FHIP2B: variants seen among roughly 807,000 people sequenced by gnomAD.
FHIP2B encodes FHF complex subunit HOOK-interacting protein 2B.
Under a neutral mutation model 84.0 loss-of-function variants are expected in FHIP2B, and 72 were observed. That is an observed-to-expected ratio of 0.86 (90% CI 0.71 to 1.04). The LOEUF (loss-of-function observed/expected upper bound fraction) is 1.04. FHIP2B is among the 50% of genes least tolerant of loss of function. The pLI is 0.00. For missense variants in FHIP2B, 972 were observed against 968.9 expected (o/e 1.00, Z -0.04); for synonymous variants, 497 against 418.7 (o/e 1.19, Z -2.28).
chr8:22,101,151 T>C, intron 12 of FHIP2B, 179 bp downstream of exon 12: 2 of 755,066 alleles, frequency 2.6e-6, no homozygotes, highest in Non-Finnish European at 4.2e-6. Flanking sequence ...GCCTCCCGAG[T>C]ACCTGGGATT....
rs769124486 is a variant in FHIP2B at position 22,099,700 on chromosome 8, G to A, written c.1152-4G>A. On this transcript the variant is annotated splice_region_variant and splice_polypyrimidine_tract_variant and intron_variant, in intron 9 of 16. Transcript: ENST00000289921. ...GGCCTGGCTAAGGTGCCCTCTTCCC[G>A]TAGGTCCGAGCAGAGCATCTTGACC... 71 of 1,566,390 alleles carry A rather than the reference G, an allele frequency of 4.5e-5. 1 individual carries two copies. The highest frequency in any genetic ancestry group is 6.2e-5 in the Admixed American group (3 of 48,356).
Position 22,100,958 on chromosome 8 carries a change from C to A in FHIP2B, c.1602C>A (p.Thr534=), listed in dbSNP as rs1252815325. The A allele has an allele frequency of 6.2e-7, 1 of 1,613,778 alleles. No homozygotes were observed. Among genetic ancestry groups the A allele is most frequent in the East Asian group, 2.2e-5 (1 of 44,878 alleles). ...ATSYDGKTAV[T]EIVNSFLCLV... ...GTTACGATGGCAAAACAGCAGTGACCGAGATCGTCAACAGGTGGGGAGCAA... is the reference window on the plus strand; with the variant it reads ...GTTACGATGGCAAAACAGCAGTGACAGAGATCGTCAACAGGTGGGGAGCAA... The change falls in exon 12 of 17, where the codon ACC becomes ACA. Residue 534 remains threonine, a synonymous_variant. Coordinates refer to ENST00000289921, the MANE Select transcript of FHIP2B (RefSeq NM_022749.7).
At chr8:22,102,411 G>GGGGGGC in intron 15 of FHIP2B, 96 bp downstream of exon 15, 2 of 586,960 alleles carry the variant, frequency 3.4e-6, no homozygotes, top group Non-Finnish European at 6.2e-6. Context: ...GGAGGGGTGG[G>GGGGGGC]CACCCTTGCC....
rs536111152 is a variant in FHIP2B, at chr8:22,089,845, C to G, written c.45+547C>G. 1.9e-4 allele frequency: 240 copies of G among 1,283,326 alleles called. 2 individuals are homozygous for G. In the South Asian group the frequency reaches 2.6e-3, roughly 14 times the overall value. 79.5% of individuals were successfully genotyped at this position (1,283,326 alleles called of 1,614,324 possible). On this transcript the variant is annotated intron_variant, in intron 1 of 16. Transcript: ENST00000289921. ...AGTGCAGGCCCTGCCGGTCCAAGTC[C>G]CCACGAAGGGTAAAGACCCGGGGCA... is the stretch of plus-strand genomic sequence containing the variant.
chr8:22,089,207 C>T lies in FHIP2B; in HGVS notation c.-47C>T, dbSNP rs1281860926. ...ACGGGGCTGCCTCCTCCGCCTAGAGCGCTGCCGCCGCCGCTTTCGCCCGGG... is the reference window on the plus strand; with the variant it reads ...ACGGGGCTGCCTCCTCCGCCTAGAGTGCTGCCGCCGCCGCTTTCGCCCGGG... On this transcript the variant is annotated 5_prime_UTR_variant, in exon 1 of 17. Transcript: ENST00000289921. 3.8e-6 allele frequency: 4 copies of T among 1,051,332 alleles called. No homozygotes were observed. The highest frequency in any genetic ancestry group is 3.4e-6 in the Non-Finnish European group (3 of 872,142). The allele number at this position is 1,051,332 out of a possible 1,614,324, so 65.1% of individuals were successfully genotyped here. A position where few individuals can be genotyped will look rare whatever the true frequency, so the allele number is the denominator to read the frequency against.
At chr8:22,090,931 T>C (rs1825458345) in intron 1 of FHIP2B, among the ~76,000 whole-genome samples, 1 of 152,184 alleles carries the variant, frequency 6.6e-6, no homozygotes, top group Non-Finnish European at 1.5e-5. Context: ...AGTCAAATTC[T>C]AAGGCTTCCA....
In FHIP2B at chr8:22,099,032, C is replaced by T. The variant is rs1396237290; in HGVS notation, c.1050C>T (p.Asp350=). 6.2e-7 allele frequency: 1 copy of T among 1,604,732 alleles called. No individual in the cohort carries two copies. Among genetic ancestry groups the T allele is most frequent in the South Asian group, 1.1e-5 (1 of 89,034 alleles). ...TCTTGGGCTGGTTTGATTACTGCGA[C>T]CACCTCATCACAGAGGCACACACGG... ...AAFLGWFDYC[D]HLITEAHTVV... The change falls in exon 8 of 17, where the codon GAC becomes GAT. Residue 350 remains aspartate (D), a synonymous_variant. Transcript: ENST00000289921.
Position 22,089,207 on chromosome 8 carries a change from CGCT to C in FHIP2B, c.-44_-42del. 2 of 1,051,330 alleles carry C rather than the reference CGCT, an allele frequency of 1.9e-6. No individual in the cohort carries two copies. The highest frequency in any genetic ancestry group is 7.0e-5 in the East Asian group (1 of 14,366). 65.1% of individuals were successfully genotyped at this position (1,051,330 alleles called of 1,614,324 possible). On this transcript the variant is annotated 5_prime_UTR_variant, in exon 1 of 17. Coordinates refer to ENST00000289921, the MANE Select transcript of FHIP2B (RefSeq NM_022749.7). ...ACGGGGCTGCCTCCTCCGCCTAGAG[CGCT>C]GCCGCCGCCGCTTTCGCCCGGGAGC...
intron 1 of FHIP2B, 130 bp downstream of exon 1, chr8:22,089,428 C>A: frequency 2.7e-6 from 1 of 367,660 alleles, no homozygotes; most frequent in Non-Finnish European, 3.8e-6. Flanking sequence ...GACCCCCGGG[C>A]CGCGGCGCCC....
In FHIP2B at chr8:22,100,614, G is replaced by T; in HGVS notation, c.1362G>T (p.Arg454=). The change falls in exon 11 of 17, where the codon CGG becomes CGT. Residue 454 remains arginine (R), a synonymous_variant. Coordinates refer to ENST00000289921, the MANE Select transcript of FHIP2B (RefSeq NM_022749.7). ...TCCAGATCAGCATCACCACACTCCG[G>T]CTGTTTGAGGAGCTGCTGCAGAAGC... ...LSDEISITTL[R]LFEELLQKPH... is the part of the protein sequence containing the mutation. 1 of 1,574,394 alleles carries T rather than the reference G, an allele frequency of 6.4e-7. No homozygotes were observed. Among genetic ancestry groups the T allele is most frequent in the Non-Finnish European group, 8.6e-7 (1 of 1,160,570 alleles).
At chr8:22,101,254 C>T (rs553966904) in intron 12 of FHIP2B, 186 bp from the exon 13 acceptor site, 3 of 637,270 alleles carry the variant, frequency 4.7e-6, no homozygotes, top group African/African-American at 3.7e-5. Flanking sequence ...AACTCCTGAC[C>T]TCAGGTGATC....
At position 22,104,650 on chromosome 8, in the gene FHIP2B, A is replaced by G. The variant is rs1237611738; in HGVS notation, c.*1719A>G. 2 of 152,236 alleles carry G rather than the reference A, an allele frequency of 1.3e-5. No homozygotes were observed. The highest frequency in any genetic ancestry group is 2.4e-5 in the African/African-American group (1 of 41,520). The allele number at this position is 152,236 out of a possible 1,614,324, so 9.4% of individuals were successfully genotyped here. A position where few individuals can be genotyped will look rare whatever the true frequency, so the allele number is the denominator to read the frequency against. The stretch of plus-strand genomic sequence containing the variant: ...GCCCACCCCGGAGACACCATGAGGG[A>G]ATGGACCACGTGGGAGCATCTGTGT... On this transcript the variant is annotated 3_prime_UTR_variant, in exon 17 of 17. Transcript: ENST00000289921.
rs1459662870 is a variant in FHIP2B, at chr8:22,100,977, G to A, written c.1616+5G>A. On this transcript the variant is annotated splice_donor_5th_base_variant and intron_variant, in intron 12 of 16. Transcript: ENST00000289921. The stretch of plus-strand genomic sequence containing the variant: ...AGTGACCGAGATCGTCAACAGGTGG[G>A]GAGCAAGTTAGGCAGTCTGAACCAC... The A allele has an allele frequency of 6.2e-7, 1 of 1,613,514 alleles. No individual in the cohort carries two copies. Among genetic ancestry groups the A allele is most frequent in the Non-Finnish European group, 8.5e-7 (1 of 1,179,748 alleles).
chr8:22,103,144 A>C lies in FHIP2B; in HGVS notation c.*213A>C. ...CAAACAGATGGCTTTCCAGGCAGCA[A>C]GGTCCTTGGGGCCTTCTTGGAGGAG... is the stretch of plus-strand genomic sequence containing the variant. On this transcript the variant is annotated 3_prime_UTR_variant, in exon 17 of 17. Coordinates refer to ENST00000289921, the MANE Select transcript of FHIP2B (RefSeq NM_022749.7). The C allele has an allele frequency of 3.1e-6, 2 of 641,654 alleles. No individual in the cohort carries two copies. Among genetic ancestry groups the C allele is most frequent in the Non-Finnish European group, 5.3e-6 (2 of 380,182 alleles). The allele number at this position is 641,654 out of a possible 1,614,324, so 39.7% of individuals were successfully genotyped here.
rs912760270 is a variant in FHIP2B, at chr8:22,103,520, C to T, written c.*589C>T. The T allele has an allele frequency of 1.3e-5, 2 of 152,518 alleles. No individual in the cohort carries two copies. Among genetic ancestry groups the T allele is most frequent in the African/African-American group, 2.4e-5 (1 of 41,484 alleles). 9.4% of individuals were successfully genotyped at this position (152,518 alleles called of 1,614,324 possible). A position where few individuals can be genotyped will look rare whatever the true frequency, so the allele number is the denominator to read the frequency against. Reference sequence around the variant, plus strand: ...ACTGTTGCAAAACTCCCAGCCGCCTCATGGCAAATGCCCAAAGCATGTTCC... The same window carrying T: ...ACTGTTGCAAAACTCCCAGCCGCCTTATGGCAAATGCCCAAAGCATGTTCC... On this transcript the variant is annotated 3_prime_UTR_variant, in exon 17 of 17. Coordinates refer to ENST00000289921, the MANE Select transcript of FHIP2B (RefSeq NM_022749.7).
At position 22,103,107 on chromosome 8, in the gene FHIP2B, G is replaced by C. The variant is rs1586351892; in HGVS notation, c.*176G>C. ...GGGTTTCAGGGAATGGGCATGCCAG[G>C]TGCCAAGGAGCCAAACAGATGGCTT... On this transcript the variant is annotated 3_prime_UTR_variant, in exon 17 of 17. Transcript: ENST00000289921. The C allele has an allele frequency of 1.2e-6, 1 of 840,266 alleles. No homozygotes were observed. The highest frequency in any genetic ancestry group is 2.7e-5 in the East Asian group (1 of 36,800). The allele number at this position is 840,266 out of a possible 1,614,324, so 52.1% of individuals were successfully genotyped here.
At position 22,102,089 on chromosome 8, in the gene FHIP2B, C is replaced by T; in HGVS notation, c.1852-86C>T. On this transcript the variant is annotated intron_variant, in intron 14 of 16. Transcript: ENST00000289921. ...TGAGCCTCCCACCCCCACACACGTT[C>T]ACAGTGGCCAGGCACCTTGCTGGGG... 5.6e-6 allele frequency: 9 copies of T among 1,606,138 alleles called. 1 individual carries two copies. The South Asian group carries it at 1.0e-4, about 18-fold the overall frequency.
At chr8:22,092,826 T>C (rs115728622) in intron 1 of FHIP2B, among the ~76,000 whole-genome samples, 2,587 of 152,292 alleles carry the variant, frequency 0.017, 49 homozygotes, top group African/African-American at 0.058. Context: ...TGTTCCAGCC[T>C]GTTAGAAGTT....
Position 22,097,729 on chromosome 8 carries a change from C to G in FHIP2B, c.415C>G (p.Leu139Val). 1 of 1,613,208 alleles carries G rather than the reference C, an allele frequency of 6.2e-7. No individual in the cohort carries two copies. Among genetic ancestry groups the G allele is most frequent in the South Asian group, 1.1e-5 (1 of 91,004 alleles). The change falls in exon 5 of 17, where the codon CTT (leucine) becomes GTT (valine). Residue 139 changes from leucine to valine, a missense_variant. Coordinates refer to ENST00000289921, the MANE Select transcript of FHIP2B (RefSeq NM_022749.7). ...VHRPVQKLLR[L>V]GGTASGSVTE... ...GGTGCTCTTCCAGAAACTCCTCCGA[C>G]TTGGTGGGACTGCTTCCGGATCCGT...
Sources: gnomAD v4.1 joint callset for allele counts (sites outside exome capture counted in the v4.1 genomes callset) on GRCh38, gnomAD v4.1.1 for gene constraint, MANE v1.5 for transcripts, NCBI Gene and HGNC (gene_info 2026-07-23, HGNC 2026-07-21) for gene names.